The following UNC13C variants were observed in gnomAD, a reference collection of about 807,000 sequenced individuals.
UNC13C encodes protein unc-13 homolog C.
In UNC13C, 174 loss-of-function variants were observed where a neutral mutation model predicts 245.4. That is an observed-to-expected ratio of 0.71 (90% confidence interval 0.63 to 0.80). The LOEUF is 0.80. Among genes scored for constraint, UNC13C ranks in the 30% least tolerant of loss-of-function variants. UNC13C has a pLI of 0.00. For missense variants in UNC13C, 2,829 were observed against 2,602.9 expected (o/e 1.09, Z -1.89); for synonymous variants, 992 against 895.1 (o/e 1.11, Z -1.93).
chr15:54,293,972 A>G lies in UNC13C; in HGVS notation c.3896A>G (p.Gln1299Arg). 1 of 1,595,726 alleles carries G rather than the reference A, an allele frequency of 6.3e-7. No homozygotes were observed. The highest frequency in any genetic ancestry group is 8.5e-7 in the Non-Finnish European group (1 of 1,171,872). The change falls in exon 11 of 33, where the codon CAA becomes CGA. Residue 1299 changes from glutamine to arginine, a missense_variant. Gln to Arg is a conservative substitution (Grantham distance 43). Transcript: ENST00000260323. ...EDDDIKSRVK[Q>R]HFKKESDDFL... ...GATGATATTAAATCCAGAGTCAAGC[A>G]ACATTTCAAAAAGGAGTCAGATGAT... is the stretch of plus-strand genomic sequence containing the variant.
rs1250003577 is a variant in UNC13C at position 54,500,825 on chromosome 15, C to T, written c.5158-10C>T. ...ACTGTTTGGGATGGTTTCACCTCCT[C>T]TCCCCACAGTTCCAGCAGACATCTG... is the stretch of plus-strand genomic sequence containing the variant. On this transcript the variant is annotated splice_polypyrimidine_tract_variant and intron_variant, in intron 21 of 32. Transcript: ENST00000260323. 2.5e-6 allele frequency: 4 copies of T among 1,611,964 alleles called. No individual in the cohort carries two copies. Among genetic ancestry groups the T allele is most frequent in the Non-Finnish European group, 3.4e-6 (4 of 1,178,794 alleles).
At chr15:53,984,757 G>A (rs1254189135) in intron 1 of UNC13C, among the ~76,000 whole-genome samples, 1 of 151,980 alleles carries the variant, frequency 6.6e-6, no homozygotes, top group Non-Finnish European at 1.5e-5. Flanking sequence ...ATGCAAAGTT[G>A]GAAATAACAA....
At chr15:54,463,648 G>A (rs560765729) in intron 19 of UNC13C, among the ~76,000 whole-genome samples, 9 of 152,160 alleles carry the variant, frequency 5.9e-5, no homozygotes, top group South Asian at 2.1e-4. Flanking sequence ...GAACACATCC[G>A]AACATCAGAA....
At chr15:54,286,626 GA>G (rs2037157695) in intron 10 of UNC13C, among the ~76,000 whole-genome samples, 1 of 152,104 alleles carries the variant, frequency 6.6e-6, no homozygotes, top group African/African-American at 2.4e-5. Context: ...TTAATGATAG[GA>G]AATATCTATT....
intron 16 of UNC13C, among the ~76,000 whole-genome samples, chr15:54,336,392 A>G (rs1347505149): frequency 1.3e-5 from 2 of 151,930 alleles, no homozygotes; most frequent in African/African-American, 4.8e-5. Context: ...TTTGTCAGAT[A>G]TGTGATTTGC....
At chr15:53,853,813 T>C in the UNC13C span, among the ~76,000 whole-genome samples, 23 of 152,336 alleles carry the variant, frequency 1.5e-4, no homozygotes, top group African/African-American at 5.0e-4. Context: ...TGTCTGTTCA[T>C]TTCCTTTGCC....
At chr15:54,581,571 C>T (rs1898205120) in intron 30 of UNC13C, among the ~76,000 whole-genome samples, 3 of 152,162 alleles carry the variant, frequency 2.0e-5, no homozygotes, top group East Asian at 1.9e-4. Context: ...GGACACTAAT[C>T]CCATCAGGCC....
At chr15:54,378,235 C>G (rs1225903045) in intron 17 of UNC13C, among the ~76,000 whole-genome samples, 1 of 152,118 alleles carries the variant, frequency 6.6e-6, no homozygotes, top group African/African-American at 2.4e-5. Flanking sequence ...TGTACAACAA[C>G]CCATCATGTA....
intron 17 of UNC13C, among the ~76,000 whole-genome samples, chr15:54,362,521 A>G (rs2039257690): frequency 6.6e-6 from 1 of 152,210 alleles, no homozygotes; most frequent in Non-Finnish European, 1.5e-5. Flanking sequence ...GAGTAGTGAT[A>G]CAAGGGAATC....
At chr15:54,238,786 G>C (rs946322097) in intron 7 of UNC13C, among the ~76,000 whole-genome samples, 1 of 152,136 alleles carries the variant, frequency 6.6e-6, no homozygotes, top group African/African-American at 2.4e-5. Flanking sequence ...TGTAAATTCT[G>C]ATTGAATGAA....
Position 54,134,282 on chromosome 15 carries a change from T to TG in UNC13C, c.2984-8736_2984-8735insG, listed in dbSNP as rs74311136. ...ACTTTTATGAGTTCAGTTTTTTTTT[T>TG]TGTGAGATTTTACTTATAAGTGAAA... is the stretch of plus-strand genomic sequence containing the variant. On this transcript the variant is annotated intron_variant, in intron 2 of 32. Transcript: ENST00000260323. Among the ~76,000 whole-genome samples the TG allele has an allele frequency of 4.2e-3, 637 of 151,672 alleles. 4 individuals are homozygous for TG. The highest frequency in any genetic ancestry group is 6.3e-3 in the African/African-American group (259 of 41,376).
At chr15:54,572,513 C>T (rs1209397095) in intron 30 of UNC13C, among the ~76,000 whole-genome samples, 1 of 150,612 alleles carries the variant, frequency 6.6e-6, no homozygotes, top group Non-Finnish European at 1.5e-5. Flanking sequence ...GCGGCCTCTG[C>T]CTCCTGGGTT....
intron 17 of UNC13C, among the ~76,000 whole-genome samples, chr15:54,367,601 A>G (rs114034008): frequency 5.3e-4 from 81 of 152,272 alleles, no homozygotes; most frequent in African/African-American, 1.9e-3. Context: ...AGAACGAATG[A>G]ATCAAAAATA....
intron 17 of UNC13C, among the ~76,000 whole-genome samples, chr15:54,373,956 C>T (rs1038950037): frequency 2.0e-5 from 3 of 152,072 alleles, no homozygotes; most frequent in Non-Finnish European, 4.4e-5. Context: ...GGCAGGCCAT[C>T]CTGTCAAGGG....
chr15:54,095,659 G>A (rs1005463755), intron 2 of UNC13C, among the ~76,000 whole-genome samples: 7 of 152,168 alleles, frequency 4.6e-5, no homozygotes, highest in African/African-American at 1.7e-4. Flanking sequence ...GTGCCCAGGC[G>A]ATTTATATTC....
chr15:54,222,825 G>A (rs1352856668), intron 4 of UNC13C, among the ~76,000 whole-genome samples: 1 of 151,964 alleles, frequency 6.6e-6, no homozygotes, highest in Non-Finnish European at 1.5e-5. Context: ...ATTTTGATTT[G>A]CATTTCTCTG....
Position 54,525,535 on chromosome 15 carries a change from T to C in UNC13C, c.5458-14T>C. The C allele has an allele frequency of 6.2e-7, 1 of 1,605,140 alleles. No individual in the cohort carries two copies. The highest frequency in any genetic ancestry group is 8.5e-7 in the Non-Finnish European group (1 of 1,174,302). The stretch of plus-strand genomic sequence containing the variant: ...CAAAACTCCAAAGTAATATTGTTTA[T>C]GGTCTCTCTGCAGCTAGATTCTGAA... On this transcript the variant is annotated splice_polypyrimidine_tract_variant and intron_variant, in intron 24 of 32. Transcript: ENST00000260323.
the UNC13C span, among the ~76,000 whole-genome samples, chr15:53,947,419 C>G: frequency 6.6e-6 from 1 of 152,256 alleles, no homozygotes; most frequent in East Asian, 1.9e-4. Flanking sequence ...AGCTCAACAA[C>G]AGTCCTCATT....
intron 23 of UNC13C, among the ~76,000 whole-genome samples, chr15:54,507,860 A>T (rs1199144503): frequency 4.6e-5 from 7 of 151,950 alleles, no homozygotes; most frequent in Non-Finnish European, 1.0e-4. Context: ...CTGAAAAAAA[A>T]AAGTGTTTAA....
Sources: gnomAD v4.1 joint callset for allele counts (sites outside exome capture counted in the v4.1 genomes callset) on GRCh38, gnomAD v4.1.1 for gene constraint, MANE v1.5 for transcripts, NCBI Gene and HGNC (gene_info 2026-07-23, HGNC 2026-07-21) for gene names.